Variants in TCF25 observed in about 807,000 individuals in gnomAD.
The protein encoded by TCF25 is TCF25 ribosome quality control complex subunit.
TCF25 carries 41 observed loss-of-function variants against 83.1 expected under a neutral mutation model. That is an observed-to-expected ratio of 0.49 (90% CI 0.38 to 0.64). The LOEUF is 0.64. Among genes scored for constraint, TCF25 ranks in the 30% least tolerant of loss-of-function variants. The pLI is 0.00. For synonymous variants in TCF25, 458 were observed against 365.0 expected, an observed-to-expected ratio of 1.25 and a Z score of -2.90; for missense variants, 979 against 914.5, an observed-to-expected ratio of 1.07 and a Z score of -0.91.
At chr16:89,885,335 G>A (rs1032761540) in intron 3 of TCF25, among the ~76,000 whole-genome samples, 3 of 152,126 alleles carry the variant, frequency 2.0e-5, no homozygotes, top group African/African-American at 7.2e-5. Flanking sequence ...GATCTGATGG[G>A]GACATCCCTT....
intron 5 of TCF25, chr16:89,889,350 T>G: frequency 3.5e-6 from 1 of 282,168 alleles, no homozygotes. Flanking sequence ...TATTTTATTT[T>G]ATTTTTTATA....
chr16:89,873,641 C>G lies in TCF25; in HGVS notation c.-27C>G, dbSNP rs1476086351. On this transcript the variant is annotated 5_prime_UTR_variant, in exon 1 of 18. Coordinates refer to ENST00000263346, the MANE Select transcript of TCF25 (RefSeq NM_014972.3). Reference sequence around the variant, plus strand: ...GTTTTCTGCGCTTCCTTCTCCCTCTCTCCAGACGTCGTGGTCGTTCGGTCC... The same window carrying G: ...GTTTTCTGCGCTTCCTTCTCCCTCTGTCCAGACGTCGTGGTCGTTCGGTCC... 6.5e-7 allele frequency: 1 copy of G among 1,538,904 alleles called. No individual in the cohort carries two copies. The highest frequency in any genetic ancestry group is 8.7e-7 in the Non-Finnish European group (1 of 1,148,834).
At chr16:89,910,510 G>A in intron 16 of TCF25, 81 bp from the exon 17 acceptor site, 1 of 1,468,018 alleles carries the variant, frequency 6.8e-7, no homozygotes, top group Non-Finnish European at 9.5e-7. Flanking sequence ...GGAGGCAGCT[G>A]GCAGGCAGCC....
chr16:89,882,799 C>A (rs879128481), intron 1 of TCF25, among the ~76,000 whole-genome samples: 1 of 152,190 alleles, frequency 6.6e-6, no homozygotes, highest in African/African-American at 2.4e-5. Flanking sequence ...GTTGGCCAGG[C>A]TGGTCTTGAA....
At chr16:89,906,084 A>G in intron 14 of TCF25, 110 bp from the exon 15 acceptor site, 1 of 903,290 alleles carries the variant, frequency 1.1e-6, no homozygotes, top group East Asian at 2.7e-5. Context: ...GCCACCAGAG[A>G]TGCAGCGAGA....
chr16:89,891,494 C>T (rs1236687727), intron 5 of TCF25, among the ~76,000 whole-genome samples: 1 of 152,218 alleles, frequency 6.6e-6, no homozygotes, highest in Non-Finnish European at 1.5e-5. Flanking sequence ...GCTGTCTGTG[C>T]TGCCGCGGCT....
chr16:89,892,887 C>T (rs1369700203), intron 6 of TCF25, among the ~76,000 whole-genome samples: 2 of 152,184 alleles, frequency 1.3e-5, no homozygotes, highest in East Asian at 1.9e-4. Flanking sequence ...CCTTGGTGAT[C>T]GGCATGGCTG....
chr16:89,886,057 T>A (rs754633158), intron 4 of TCF25, 91 bp downstream of exon 4: 2 of 935,076 alleles, frequency 2.1e-6, no homozygotes, highest in Non-Finnish European at 3.4e-6. Flanking sequence ...TCTCTGTGGC[T>A]GCCACAGAGA....
Position 89,904,937 on chromosome 16 carries a change from G to T in TCF25, c.1470-1G>T, listed in dbSNP as rs2044653480. 1.2e-6 allele frequency: 2 copies of T among 1,603,920 alleles called. No homozygotes were observed. The highest frequency in any genetic ancestry group is 8.5e-7 in the Non-Finnish European group (1 of 1,175,874). On this transcript the variant is annotated splice_acceptor_variant, in intron 13 of 17. Transcript: ENST00000263346. LOFTEE classifies it high-confidence loss of function. ...TGCTCAGAGCCCTTGCTCTCCCCCA[G>T]CCAGCCCCCTGCCCTGAGCCAGCTG...
At chr16:89,899,750 A>G (rs895560577) in intron 11 of TCF25, among the ~76,000 whole-genome samples, 2 of 151,932 alleles carry the variant, frequency 1.3e-5, no homozygotes, top group African/African-American at 4.8e-5. Flanking sequence ...AAGAAAATTT[A>G]AATTGACACC....
intron 6 of TCF25, among the ~76,000 whole-genome samples, chr16:89,893,394 G>A (rs979175704): frequency 3.3e-5 from 5 of 152,224 alleles, no homozygotes; most frequent in Non-Finnish European, 5.9e-5. Context: ...GACAGTGCTC[G>A]GCGTGGTCAG....
Position 89,895,994 on chromosome 16 carries a change from A to C in TCF25, c.933A>C (p.Arg311Ser), listed in dbSNP as rs2043820965. ...CTGGCGTCCCTGTGCCCACAGAGAG[A>C]GCGCTGTACAGCATGGAATGTGCGT... is the stretch of plus-strand genomic sequence containing the variant. ...DQEMARDLVE[R>S]ALYSMECAFH... is the part of the protein sequence containing the mutation. Residue 311 changes from arginine to serine, a missense_variant, in exon 9 of 18, where the codon AGA (arginine) becomes AGC (serine). Physicochemically the swap from Arg to Ser is moderately radical, Grantham distance 110 (BLOSUM62 -1). Coordinates refer to ENST00000263346, the MANE Select transcript of TCF25 (RefSeq NM_014972.3). 6.2e-7 allele frequency: 1 copy of C among 1,613,270 alleles called. No homozygotes were observed. Among genetic ancestry groups the C allele is most frequent in the South Asian group, 1.1e-5 (1 of 91,016 alleles).
At chr16:89,878,637 A>C in intron 1 of TCF25, 1 of 1,109,210 alleles carries the variant, frequency 9.0e-7, no homozygotes, top group Non-Finnish European at 1.1e-6. Flanking sequence ...GGTAGGTAAT[A>C]AGGTGTTTTG....
At chr16:89,891,784 C>T (rs148173839) in intron 5 of TCF25, among the ~76,000 whole-genome samples, 40 of 152,226 alleles carry the variant, frequency 2.6e-4, no homozygotes, top group African/African-American at 9.2e-4. Context: ...CTTGCTCTGT[C>T]GTCCAGGCTG....
intron 1 of TCF25, among the ~76,000 whole-genome samples, chr16:89,877,504 C>T (rs957705412): frequency 5.3e-5 from 8 of 152,036 alleles, no homozygotes; most frequent in Admixed American, 4.6e-4. Flanking sequence ...GCAACTGAAA[C>T]GATGATTAGA....
chr16:89,873,925 C>G (rs2041947392), intron 1 of TCF25, 66 bp downstream of exon 1: 2 of 1,443,306 alleles, frequency 1.4e-6, no homozygotes, highest in Admixed American at 2.5e-5. Context: ...GGGCGAGCGT[C>G]CAGCCGGGTC....
chr16:89,877,562 A>G (rs1258584115), intron 1 of TCF25, among the ~76,000 whole-genome samples: 1 of 152,220 alleles, frequency 6.6e-6, no homozygotes, highest in East Asian at 1.9e-4. Flanking sequence ...AAAAATCTAG[A>G]AATTTACCTG....
intron 1 of TCF25, among the ~76,000 whole-genome samples, chr16:89,881,920 G>A (rs962321642): frequency 4.0e-5 from 6 of 151,714 alleles, no homozygotes; most frequent in African/African-American, 1.4e-4. Context: ...GCACCTGGCC[G>A]ATTTTTTTAT....
intron 9 of TCF25, 63 bp downstream of exon 9, chr16:89,896,146 G>A (rs1597340517): frequency 1.0e-5 from 16 of 1,534,032 alleles, no homozygotes; most frequent in Non-Finnish European, 8.9e-7. Context: ...GTGAGGCTGG[G>A]GGAGGTGCAG....
Sources: allele counts gnomAD v4.1 joint callset (sites outside exome capture counted in the v4.1 genomes callset), GRCh38; gene constraint gnomAD v4.1.1; transcripts MANE v1.5; gene names NCBI Gene and HGNC (gene_info 2026-07-23, HGNC 2026-07-21).